CAPN5: variants seen among roughly 807,000 people sequenced by gnomAD.
The protein encoded by CAPN5 is calpain-5.
A neutral mutation model predicts 73.0 loss-of-function variants in CAPN5; 54 were observed. The observed-to-expected ratio is 0.74, with a 90% CI of 0.59 to 0.93. CAPN5 has a LOEUF of 0.93. CAPN5 is among the 40% of genes least tolerant of loss of function. The pLI is 0.00. For missense variants in CAPN5, 785 were observed against 882.9 expected, an observed-to-expected ratio of 0.89 and a Z score of 1.41; for synonymous variants, 335 against 356.9, an observed-to-expected ratio of 0.94 and a Z score of 0.69.
chr11:77,095,654 C>T (rs1191795329), intron 3 of CAPN5, among the ~76,000 whole-genome samples: 1 of 152,218 alleles, frequency 6.6e-6, no homozygotes, highest in Non-Finnish European at 1.5e-5. Context: ...GGCCTGACTC[C>T]AGTCTCCCCA....
At chr11:77,083,848 A>G (rs1410190361) in intron 1 of CAPN5, among the ~76,000 whole-genome samples, 2 of 152,150 alleles carry the variant, frequency 1.3e-5, no homozygotes, top group Admixed American at 6.5e-5. Context: ...TGGCACTCAC[A>G]CCAGTCTTGA....
At position 77,115,404 on chromosome 11, in the gene CAPN5, G is replaced by A; in HGVS notation, c.709G>A (p.Ala237Thr). Residue 237 changes from alanine to threonine, a missense_variant, in exon 6 of 13, where the codon GCA becomes ACA. Transcript: ENST00000648180. ...LISASIKAVT[A>T]ADMEARLACG... is the part of the protein sequence containing the mutation. ...CTGTGTCCCTCCACAGGCAGTGACA[G>A]CAGCTGACATGGAGGCCCGCCTGGC... 6.2e-7 allele frequency: 1 copy of A among 1,601,908 alleles called. No individual in the cohort carries two copies. Among genetic ancestry groups the A allele is most frequent in the Non-Finnish European group, 8.5e-7 (1 of 1,171,366 alleles).
Position 77,115,456 on chromosome 11 carries a change from A to G in CAPN5, c.761A>G (p.Tyr254Cys). Residue 254 changes from tyrosine (Y) to cysteine (C), a missense_variant, in exon 6 of 13, where the codon TAC becomes TGC. Transcript: ENST00000648180. The stretch of plus-strand genomic sequence containing the variant: ...TGCGGCCTGGTAAAGGGCCACGCAT[A>G]CGCCGTCACTGATGTGCGCAAGGTG... Reference protein sequence around the residue: ...LACGLVKGHAYAVTDVRKVRL... With the variant: ...LACGLVKGHACAVTDVRKVRL... 6.2e-7 allele frequency: 1 copy of G among 1,612,970 alleles called. No homozygotes were observed. Among genetic ancestry groups the G allele is most frequent in the Non-Finnish European group, 8.5e-7 (1 of 1,179,780 alleles).
intron 6 of CAPN5, 45 bp downstream of exon 6, chr11:77,115,633 G>T: frequency 6.6e-7 from 1 of 1,525,156 alleles, no homozygotes. Flanking sequence ...ATGAGGGCTT[G>T]GACAAGGACG....
At chr11:77,074,179 CT>C (rs1372674925) in intron 1 of CAPN5, among the ~76,000 whole-genome samples, 2 of 152,240 alleles carry the variant, frequency 1.3e-5, no homozygotes, top group Admixed American at 1.3e-4. Flanking sequence ...TCTGCCCTTT[CT>C]AGTCCCCTCT....
chr11:77,073,157 G>A, intron 1 of CAPN5: 1 of 1,246,788 alleles, frequency 8.0e-7, no homozygotes, highest in Non-Finnish European at 1.1e-6. Flanking sequence ...CCACCGCACT[G>A]GGTTGCCTGG....
chr11:77,069,725 C>T (rs982696893), intron 1 of CAPN5, among the ~76,000 whole-genome samples: 23 of 152,284 alleles, frequency 1.5e-4, no homozygotes, highest in Middle Eastern at 6.8e-3. Context: ...TGTCTCTGTC[C>T]CCATCTATTC....
rs782119881 is a variant in CAPN5 at position 77,085,016 on chromosome 11, ACGCCGGGGCC to A, written c.136_145del (p.Gly46SerfsTer114). 6.2e-7 allele frequency: 1 copy of A among 1,613,650 alleles called. No individual in the cohort carries two copies. The highest frequency in any genetic ancestry group is 1.7e-5 in the Admixed American group (1 of 60,034). On this transcript the variant is annotated frameshift_variant, in exon 2 of 13. Coordinates refer to ENST00000648180, the MANE Select transcript of CAPN5 (RefSeq NM_004055.5). LOFTEE classifies it high-confidence loss of function. Reference sequence around the variant, plus strand: ...TGACGACTCACTCTACTATAAGGGCACGCCGGGGCCCGCCGTCAGGTGGAAGCGACCCAAG... The same window carrying A: ...TGACGACTCACTCTACTATAAGGGCACGCCGTCAGGTGGAAGCGACCCAAG...
intron 11 of CAPN5, 78 bp downstream of exon 11, chr11:77,122,127 C>A: frequency 1.2e-6 from 1 of 805,224 alleles, no homozygotes; most frequent in Non-Finnish European, 1.9e-6. Context: ...CGGATACCAG[C>A]CTCAGAGCTC....
chr11:77,116,180 G>A, intron 6 of CAPN5, 46 bp from the exon 7 acceptor site: 1 of 1,546,576 alleles, frequency 6.5e-7, no homozygotes, highest in South Asian at 1.2e-5. Context: ...TGGTGGGGCT[G>A]CCTCTTAGAC....
intron 7 of CAPN5, 134 bp downstream of exon 7, chr11:77,116,437 C>G: frequency 1.4e-6 from 1 of 703,932 alleles, no homozygotes. Context: ...TGGCCTTGGA[C>G]AAGTCACACC....
Position 77,084,857 on chromosome 11 carries a change from C to T in CAPN5, c.-30C>T. The T allele has an allele frequency of 6.2e-7, 1 of 1,613,522 alleles. No homozygotes were observed. Among genetic ancestry groups the T allele is most frequent in the South Asian group, 1.1e-5 (1 of 91,040 alleles). ...CTTCTTGCCTTCCTGTCCAGGTGTT[C>T]CCCCTCCCCTCCCTGGGGCAGCAGC... On this transcript the variant is annotated 5_prime_UTR_variant, in exon 2 of 13. Coordinates refer to ENST00000648180, the MANE Select transcript of CAPN5 (RefSeq NM_004055.5).
At chr11:77,106,002 G>T (rs919537409) in intron 3 of CAPN5, among the ~76,000 whole-genome samples, 1 of 152,158 alleles carries the variant, frequency 6.6e-6, no homozygotes, top group African/African-American at 2.4e-5. Context: ...CCCTGGGATG[G>T]ACCGGGGAGA....
chr11:77,084,016 T>A (rs1591116026), intron 1 of CAPN5, among the ~76,000 whole-genome samples: 1 of 152,158 alleles, frequency 6.6e-6, no homozygotes, highest in East Asian at 1.9e-4. Flanking sequence ...GCAGCCCAGA[T>A]GGAGTTTGAG....
chr11:77,099,998 G>A (rs1465983289), intron 3 of CAPN5, among the ~76,000 whole-genome samples: 5 of 151,954 alleles, frequency 3.3e-5, no homozygotes, highest in African/African-American at 9.7e-5. Context: ...CACCATACCC[G>A]GCTAATTTTT....
chr11:77,073,329 C>G (rs1949930968), intron 1 of CAPN5, among the ~76,000 whole-genome samples: 1 of 152,236 alleles, frequency 6.6e-6, no homozygotes. Context: ...TGCAGGAACC[C>G]CTGACCTGGA....
intron 3 of CAPN5, among the ~76,000 whole-genome samples, chr11:77,097,740 A>C: frequency 1.1e-5 from 1 of 90,820 alleles, no homozygotes; most frequent in Non-Finnish European, 2.1e-5. Flanking sequence ...TAATCCATTT[A>C]ACCCTGAGTG....
intron 1 of CAPN5, among the ~76,000 whole-genome samples, chr11:77,070,470 C>G (rs1321320014): frequency 6.6e-6 from 1 of 152,244 alleles, no homozygotes; most frequent in Non-Finnish European, 1.5e-5. Flanking sequence ...TTACTCATAG[C>G]AGGAACTAAG....
At position 77,101,673 on chromosome 11, in the gene CAPN5, C is replaced by G. The variant is rs116773864; in HGVS notation, c.297+7860C>G. Among the ~76,000 whole-genome samples, 1,398 of 152,294 alleles carry G rather than the reference C, an allele frequency of 9.2e-3. 25 individuals carry two copies. The highest frequency in any genetic ancestry group is 0.032 in the African/African-American group (1,326 of 41,548). On this transcript the variant is annotated intron_variant, in intron 3 of 12. Transcript: ENST00000648180. ...CCACTAGACCCTTCAGATTGTTTTC[C>G]GTTGTGATACCTTGGCCTTGACTCT...
Sources: gnomAD v4.1 joint callset for allele counts (sites outside exome capture counted in the v4.1 genomes callset) on GRCh38, gnomAD v4.1.1 for gene constraint, MANE v1.5 for transcripts, NCBI Gene and HGNC (gene_info 2026-07-23, HGNC 2026-07-21) for gene names.